Variants in MYOZ2 observed in about 807,000 individuals in gnomAD.
The protein encoded by MYOZ2 is myozenin-2.
Under a neutral mutation model 25.4 loss-of-function variants are expected in MYOZ2, and 19 were observed. The ratio of observed to expected loss-of-function variants is 0.75; its 90% CI spans 0.52 to 1.10. The LOEUF is 1.10. Ranked by LOEUF, MYOZ2 falls within the 50% of genes least tolerant of loss-of-function variation. MYOZ2 has a pLI of 0.00. For missense variants in MYOZ2, 270 were observed against 317.9 expected, an observed-to-expected ratio of 0.85 and a Z score of 1.15; for synonymous variants, 92 against 106.9, an observed-to-expected ratio of 0.86 and a Z score of 0.86.
chr4:119,184,096 C>T (rs576989798), intron 5 of MYOZ2, among the ~76,000 whole-genome samples: 4 of 152,026 alleles, frequency 2.6e-5, no homozygotes, highest in Non-Finnish European at 5.9e-5. Context: ...ATTACAGGTG[C>T]GAACCACTGG....
At position 119,180,171 on chromosome 4, in the gene MYOZ2, G is replaced by A. The variant is rs542237548; in HGVS notation, c.561-5795G>A. Among the ~76,000 whole-genome samples the A allele has an allele frequency of 4.6e-5, 7 of 152,226 alleles. No individual in the cohort carries two copies. The East Asian group carries it at 1.2e-3, about 25-fold the overall frequency. On this transcript the variant is annotated intron_variant, in intron 5 of 5. Coordinates refer to ENST00000307128, the MANE Select transcript of MYOZ2 (RefSeq NM_016599.5). ...GGCTAGCTAGTCTGACTCCTGAATC[G>A]CATCTCTTAGACTGCTCTATTTTAT...
intron 5 of MYOZ2, among the ~76,000 whole-genome samples, chr4:119,170,094 G>A (rs1380367885): frequency 2.0e-5 from 3 of 151,922 alleles, no homozygotes. Flanking sequence ...ATAATGTCGT[G>A]CCACCATCAC....
At chr4:119,174,276 T>C (rs1431307917) in intron 5 of MYOZ2, among the ~76,000 whole-genome samples, 2 of 152,212 alleles carry the variant, frequency 1.3e-5, no homozygotes, top group Admixed American at 1.3e-4. Flanking sequence ...TTGGAGAACC[T>C]TTATGTCTAG....
At chr4:119,166,332 ACT>A (rs1265744651) in intron 5 of MYOZ2, among the ~76,000 whole-genome samples, 1 of 152,088 alleles carries the variant, frequency 6.6e-6, no homozygotes, top group Non-Finnish European at 1.5e-5. Flanking sequence ...TAATCCCAGC[ACT>A]TTGAGAAGCC....
intron 2 of MYOZ2, among the ~76,000 whole-genome samples, chr4:119,148,987 A>C (rs1053935431): frequency 6.6e-6 from 1 of 152,076 alleles, no homozygotes; most frequent in African/African-American, 2.4e-5. Context: ...TAATATATAT[A>C]AGTGATTTTC....
intron 5 of MYOZ2, among the ~76,000 whole-genome samples, chr4:119,181,348 T>C (rs1191081362): frequency 6.6e-6 from 1 of 152,234 alleles, no homozygotes; most frequent in Non-Finnish European, 1.5e-5. Flanking sequence ...GTGATCATAA[T>C]GCTCTGTTTT....
chr4:119,175,565 A>G (rs548190811), intron 5 of MYOZ2, among the ~76,000 whole-genome samples: 25 of 152,180 alleles, frequency 1.6e-4, no homozygotes, highest in African/African-American at 5.3e-4. Context: ...CACCCTGGCC[A>G]ACATGGTGAA....
intron 2 of MYOZ2, among the ~76,000 whole-genome samples, chr4:119,141,618 G>A (rs1741160120): frequency 6.6e-6 from 1 of 152,142 alleles, no homozygotes; most frequent in South Asian, 2.1e-4. Flanking sequence ...CTGACCTCAG[G>A]TGATCCACCT....
rs867352094 is a variant in MYOZ2, at chr4:119,165,749, A to G, written c.560+1355A>G. On this transcript the variant is annotated intron_variant, in intron 5 of 5. Transcript: ENST00000307128. ...ATAACAAGTAAAACATTAGGGGAAA[A>G]TGGAAATTAATGGAATAACTCGGAT... Among the ~76,000 whole-genome samples the G allele has an allele frequency of 4.6e-5, 6 of 129,302 alleles. No individual in the cohort carries two copies. The South Asian group carries it at 9.1e-4, about 20-fold the overall frequency. The allele number at this position is 129,302 out of a possible 152,430, so 84.8% of individuals were successfully genotyped here.
chr4:119,139,703 A>G (rs959724994), intron 2 of MYOZ2, among the ~76,000 whole-genome samples: 6 of 152,216 alleles, frequency 3.9e-5, no homozygotes, highest in East Asian at 3.9e-4. Flanking sequence ...TTTAAAAACC[A>G]TAAGAAGAAC....
chr4:119,157,793 T>A (rs1741614834), intron 3 of MYOZ2, among the ~76,000 whole-genome samples: 1 of 152,182 alleles, frequency 6.6e-6, no homozygotes. Flanking sequence ...CTCTAATCAT[T>A]ATTAAGTGGA....
chr4:119,170,505 CTTAAG>C (rs1238991412), intron 5 of MYOZ2, among the ~76,000 whole-genome samples: 1 of 151,960 alleles, frequency 6.6e-6, no homozygotes, highest in Non-Finnish European at 1.5e-5. Flanking sequence ...TGTATACTTT[CTTAAG>C]TTTTCTGTAC....
intron 5 of MYOZ2, among the ~76,000 whole-genome samples, chr4:119,166,892 C>T (rs1458694695): frequency 6.6e-6 from 1 of 152,212 alleles, no homozygotes; most frequent in African/African-American, 2.4e-5. Context: ...TTAATCAATA[C>T]ATGTTGTGTG....
intron 2 of MYOZ2, among the ~76,000 whole-genome samples, chr4:119,138,333 C>T (rs958723283): frequency 1.1e-4 from 17 of 152,132 alleles, no homozygotes; most frequent in African/African-American, 3.9e-4. Flanking sequence ...CCAAGCTCAT[C>T]CCAGATGAAA....
At chr4:119,185,796 G>C (rs569427741) in intron 5 of MYOZ2, among the ~76,000 whole-genome samples, 170 bp from the exon 6 acceptor site, 1 of 152,258 alleles carries the variant, frequency 6.6e-6, no homozygotes, top group South Asian at 2.1e-4. Flanking sequence ...AAGTAGAAAT[G>C]CTTGCCTCAG....
At chr4:119,150,723 G>T in intron 2 of MYOZ2, 149 bp from the exon 3 acceptor site, 1 of 738,682 alleles carries the variant, frequency 1.4e-6, no homozygotes. Context: ...CTCCACTTTA[G>T]AGATGAAGGA....
chr4:119,175,195 C>T (rs1044864772), intron 5 of MYOZ2, among the ~76,000 whole-genome samples: 1 of 151,686 alleles, frequency 6.6e-6, no homozygotes, highest in Non-Finnish European at 1.5e-5. Flanking sequence ...GAAATGTTTT[C>T]ATTTATAAGA....
At chr4:119,164,548 G>C (rs1741781305) in intron 5 of MYOZ2, among the ~76,000 whole-genome samples, 154 bp downstream of exon 5, 1 of 152,064 alleles carries the variant, frequency 6.6e-6, no homozygotes, top group Non-Finnish European at 1.5e-5. Context: ...CCTAGGCAAA[G>C]ACTCATTTTT....
intron 2 of MYOZ2, among the ~76,000 whole-genome samples, chr4:119,140,781 T>C (rs1441692593): frequency 1.3e-5 from 2 of 152,238 alleles, no homozygotes; most frequent in African/African-American, 4.8e-5. Flanking sequence ...TTCAATACAT[T>C]GGTAATGTCA....
Sources: gnomAD v4.1 joint callset for allele counts (sites outside exome capture counted in the v4.1 genomes callset) on GRCh38, gnomAD v4.1.1 for gene constraint, MANE v1.5 for transcripts, NCBI Gene and HGNC (gene_info 2026-07-23, HGNC 2026-07-21) for gene names.